The following SYT16 variants were observed in gnomAD, a reference collection of about 807,000 sequenced individuals.
SYT16 encodes synaptotagmin-16.
Under a neutral mutation model 61.4 loss-of-function variants are expected in SYT16, and 42 were observed. That is an observed-to-expected ratio of 0.68 (90% CI 0.53 to 0.89). SYT16 has a LOEUF of 0.89. SYT16 is among the 40% of genes least tolerant of loss of function. SYT16 has a pLI of 0.00. For missense variants in SYT16, 804 were observed against 807.3 expected (o/e 1.00, Z 0.05); for synonymous variants, 314 against 302.3 (o/e 1.04, Z -0.40).
chr14:62,071,704 T>G (rs2056306482), intron 4 of SYT16, among the ~76,000 whole-genome samples: 1 of 152,206 alleles, frequency 6.6e-6, no homozygotes, highest in African/African-American at 2.4e-5. Context: ...AGAGAGGAAT[T>G]TTTTGGTATG....
chr14:61,864,811 C>G, intron 1 of SYT16: 1 of 968,904 alleles, frequency 1.0e-6, no homozygotes, highest in South Asian at 1.5e-5. Context: ...AGGGCTAAAT[C>G]ACAGTCTACC....
rs1033745420 is a variant in SYT16, at chr14:61,887,152, C to T, written c.-325+74342C>T. ...CATGTAAATAACGTTGATCTCCTTA[C>T]ACATCTCTATCAGAGCTCTTGGGTG... On this transcript the variant is annotated intron_variant, in intron 1 of 7. Coordinates refer to ENST00000683842, the MANE Select transcript of SYT16 (RefSeq NM_001367656.1). Among the ~76,000 whole-genome samples, 3 of 152,218 alleles carry T rather than the reference C, an allele frequency of 2.0e-5. No individual in the cohort carries two copies. The East Asian group carries it at 5.8e-4, about 29-fold the overall frequency.
intron 3 of SYT16, among the ~76,000 whole-genome samples, chr14:62,006,993 T>G (rs1455681141): frequency 6.6e-6 from 1 of 152,158 alleles, no homozygotes. Context: ...ATGGTGATAT[T>G]TGACTTTTCA....
chr14:62,060,958 C>A (rs1295712344), intron 3 of SYT16, among the ~76,000 whole-genome samples: 1 of 151,922 alleles, frequency 6.6e-6, no homozygotes, highest in African/African-American at 2.4e-5. Flanking sequence ...TTTTCAAGTG[C>A]ATGTCATTAT....
At chr14:61,962,351 T>C (rs933082640) in intron 1 of SYT16, among the ~76,000 whole-genome samples, 1 of 152,172 alleles carries the variant, frequency 6.6e-6, no homozygotes, top group Non-Finnish European at 1.5e-5. Flanking sequence ...TTGTCTTCTG[T>C]CCTGCAAGGT....
chr14:62,033,165 A>C (rs1232694308), intron 3 of SYT16, among the ~76,000 whole-genome samples: 1 of 152,138 alleles, frequency 6.6e-6, no homozygotes, highest in Non-Finnish European at 1.5e-5. Flanking sequence ...GCAAGAGGAC[A>C]TCTTAAAAAC....
intron 1 of SYT16, among the ~76,000 whole-genome samples, chr14:61,911,570 C>T (rs942886836): frequency 4.6e-5 from 7 of 152,216 alleles, no homozygotes; most frequent in African/African-American, 7.2e-5. Context: ...AAAAGAGGCT[C>T]AGAGGAGCTA....
At chr14:61,836,929 A>G (rs185100628) in intron 1 of SYT16, among the ~76,000 whole-genome samples, 2 of 152,298 alleles carry the variant, frequency 1.3e-5, no homozygotes, top group African/African-American at 4.8e-5. Context: ...ATTGCTCTGC[A>G]GATTTTCCAA....
chr14:61,997,871 A>G (rs2052832866), intron 3 of SYT16, among the ~76,000 whole-genome samples: 1 of 152,046 alleles, frequency 6.6e-6, no homozygotes, highest in Non-Finnish European at 1.5e-5. Context: ...GCAGTAAAAC[A>G]ATTGTGTTCA....
chr14:62,091,444 T>C (rs1194709293), intron 7 of SYT16, among the ~76,000 whole-genome samples: 1 of 152,126 alleles, frequency 6.6e-6, no homozygotes, highest in African/African-American at 2.4e-5. Flanking sequence ...CCTGCATGGA[T>C]TGCCTAAAGC....
At chr14:62,042,101 T>C (rs901952061) in intron 3 of SYT16, among the ~76,000 whole-genome samples, 2 of 152,224 alleles carry the variant, frequency 1.3e-5, no homozygotes, top group African/African-American at 4.8e-5. Context: ...TCTAGCTCCA[T>C]GTCAATTGAT....
chr14:61,852,995 T>G (rs1009999741), intron 1 of SYT16, among the ~76,000 whole-genome samples: 1 of 152,190 alleles, frequency 6.6e-6, no homozygotes, highest in African/African-American at 2.4e-5. Flanking sequence ...CTTGGCTTAC[T>G]GCAACCTCCA....
intron 1 of SYT16, among the ~76,000 whole-genome samples, chr14:61,866,066 G>A (rs1297851247): frequency 6.6e-6 from 1 of 151,988 alleles, no homozygotes; most frequent in African/African-American, 2.4e-5. Context: ...TTCAGAAAGT[G>A]GGTCATTCTA....
chr14:62,085,696 A>G (rs2056862484), intron 7 of SYT16, among the ~76,000 whole-genome samples: 1 of 152,212 alleles, frequency 6.6e-6, no homozygotes. Context: ...TTAGGAGGGC[A>G]AATTAGTAAG....
In SYT16 at chr14:62,063,953, A is replaced by AG. The variant is rs151162536; in HGVS notation, c.524-5649dup. Among the ~76,000 whole-genome samples the AG allele has an allele frequency of 9.7e-3, 1,474 of 152,296 alleles. 16 individuals carry two copies. The highest frequency in any genetic ancestry group is 0.025 in the East Asian group (127 of 5,172). On this transcript the variant is annotated intron_variant, in intron 3 of 7. Transcript: ENST00000683842. Reference sequence around the variant, plus strand: ...GTGGCAGATGTTTAGATGATATCTGAGATCTGTCTGAATTCTGTGATTGAG... The same window carrying AG: ...GTGGCAGATGTTTAGATGATATCTGAGGATCTGTCTGAATTCTGTGATTGAG...
chr14:61,959,910 A>G (rs1243520536), intron 1 of SYT16, among the ~76,000 whole-genome samples: 2 of 152,076 alleles, frequency 1.3e-5, no homozygotes, highest in African/African-American at 4.8e-5. Context: ...GGTTCACTGC[A>G]GCCTTGACCT....
intron 1 of SYT16, among the ~76,000 whole-genome samples, chr14:61,938,914 C>A (rs1016852145): frequency 6.6e-6 from 1 of 152,164 alleles, no homozygotes; most frequent in Non-Finnish European, 1.5e-5. Context: ...GCGGGCGGAT[C>A]ACTTAAGGTC....
rs2056445767 is a variant in SYT16, at chr14:62,075,299, A to G, written c.901A>G (p.Thr301Ala). 6 of 1,613,820 alleles carry G rather than the reference A, an allele frequency of 3.7e-6. No homozygotes were observed. The highest frequency in any genetic ancestry group is 1.1e-5 in the South Asian group (1 of 91,084). Residue 301 changes from threonine to alanine, a missense_variant, in exon 5 of 8, where the codon ACA becomes GCA. By Grantham distance (58) the Thr-to-Ala change is moderately conservative (BLOSUM62 0). Coordinates refer to ENST00000683842, the MANE Select transcript of SYT16 (RefSeq NM_001367656.1). ...SVVQSLRRQS[T>A]EGSLEMETAF... ...GGTCCAAAGCCTCAGGCGCCAATCCACAGAGGGCAGCTTGGAGATGGAGAC... is the reference window on the plus strand; with the variant it reads ...GGTCCAAAGCCTCAGGCGCCAATCCGCAGAGGGCAGCTTGGAGATGGAGAC...
chr14:61,864,760 TG>T (rs1475732094), intron 1 of SYT16: 1 of 961,758 alleles, frequency 1.0e-6, no homozygotes, highest in Non-Finnish European at 1.6e-6. Flanking sequence ...TAATGACGCA[TG>T]TGGCTGGCCG....
Sources: gnomAD v4.1 joint callset for allele counts (sites outside exome capture counted in the v4.1 genomes callset) on GRCh38, gnomAD v4.1.1 for gene constraint, MANE v1.5 for transcripts, NCBI Gene and HGNC (gene_info 2026-07-23, HGNC 2026-07-21) for gene names.